The following DNM1 variants were observed in gnomAD, a reference collection of about 807,000 sequenced individuals.
DNM1 encodes dynamin 1, also known as dynamin-1.
In DNM1, 29 loss-of-function variants were observed where a neutral mutation model predicts 104.6. The observed-to-expected ratio is 0.28, with a 90% CI of 0.21 to 0.38. The LOEUF is 0.38. Among genes scored for constraint, DNM1 ranks in the 10% least tolerant of loss-of-function variants. The probability of loss-of-function intolerance (pLI) is 1.00; values close to 1 mark genes in which losing one functional copy is unlikely to be tolerated. For missense variants in DNM1, 640 were observed against 1,189.4 expected (o/e 0.54, Z 6.79); for synonymous variants, 445 against 475.8 (o/e 0.94, Z 0.84).
intron 1 of DNM1, among the ~76,000 whole-genome samples, chr9:128,208,046 ATTCTTTTTTTTCTTTTTTTT>A (rs1207491365): frequency 1.3e-5 from 1 of 75,344 alleles, no homozygotes; most frequent in Non-Finnish European, 2.7e-5. Flanking sequence ...CTTCCTCCCC[ATTCTTTTTTTTCTTTTTTTT>A]TTCTTTTTTT....
Position 128,246,495 on chromosome 9 carries a change from G to A in DNM1, c.1773G>A (p.Thr591=), listed in dbSNP as rs762812488. 6.2e-6 allele frequency: 10 copies of A among 1,613,474 alleles called. No homozygotes were observed. The highest frequency in any genetic ancestry group is 2.2e-5 in the South Asian group (2 of 91,064). The change falls in exon 16 of 22, where the codon ACG becomes ACA. Residue 591 remains threonine (T), a synonymous_variant. Coordinates refer to ENST00000372923, the MANE Select transcript of DNM1 (RefSeq NM_004408.4). ...AGCATATCTTTGCCCTCTTTAACAC[G>A]GAGCAGAGGTGCCTGCCTGCCCCTG... is the stretch of plus-strand genomic sequence containing the variant. The part of the protein sequence containing the change: ...SSKHIFALFN[T]EQRNVYKDYR...
intron 10 of DNM1, among the ~76,000 whole-genome samples, chr9:128,233,291 G>T (rs1242417341): frequency 6.6e-6 from 1 of 152,220 alleles, no homozygotes; most frequent in Non-Finnish European, 1.5e-5. Context: ...CCGGGCAGGG[G>T]CATGCAAGGG....
rs1318177802 is a variant in DNM1 at position 128,253,940 on chromosome 9, A to C, written c.2535-714A>C. The C allele has an allele frequency of 3.2e-6, 4 of 1,232,714 alleles. No individual in the cohort carries two copies. The highest frequency in any genetic ancestry group is 3.1e-5 in the African/African-American group (2 of 64,346). The allele number at this position is 1,232,714 out of a possible 1,614,324, so 76.4% of individuals were successfully genotyped here. On this transcript the variant is annotated intron_variant, in intron 21 of 21. Coordinates refer to ENST00000372923, the MANE Select transcript of DNM1 (RefSeq NM_004408.4). The surrounding 1 kb of genome is among the most constrained non-coding windows in gnomAD (Gnocchi z 5.9). ...ACGACCGTGCCTGCTGGCCCAGCTG[A>C]GCTCCGCCCAGTGAGCCCACCCCCC...
Position 128,224,449 on chromosome 9 carries a change from G to T in DNM1, c.1335+60G>T. On this transcript the variant is annotated intron_variant, in intron 10 of 21. Coordinates refer to ENST00000372923, the MANE Select transcript of DNM1 (RefSeq NM_004408.4). This position sits in a 1 kb window ranked among gnomAD's most constrained non-coding sequence, Gnocchi z 4.3. The stretch of plus-strand genomic sequence containing the variant: ...CTGCCCCGCCCTGCACTGCTGCCAG[G>T]CGCTCCTTCCCCATGTCCCCCCCTG... 5.2e-6 allele frequency: 8 copies of T among 1,535,812 alleles called. No individual in the cohort carries two copies. Among genetic ancestry groups the T allele is most frequent in the Non-Finnish European group, 7.1e-6 (8 of 1,131,288 alleles).
chr9:128,219,372 A>G, intron 4 of DNM1, 120 bp downstream of exon 4: 2 of 921,620 alleles, frequency 2.2e-6, no homozygotes, highest in Non-Finnish European at 3.3e-6. Flanking sequence ...TTGTACCTTT[A>G]AAAATCACTT....
At chr9:128,233,670 A>G in intron 10 of DNM1, 1 of 305,880 alleles carries the variant, frequency 3.3e-6, no homozygotes, top group South Asian at 3.7e-5. Context: ...TTGGGAGCTA[A>G]CGGTCCCCAG....
chr9:128,220,480 A>T lies in DNM1; in HGVS notation c.849+139A>T. The stretch of plus-strand genomic sequence containing the variant: ...AACTGAGCCTCAGAAAAGCAAAGCA[A>T]CTTGCCCACAGCCCCACAGCTAGGT... On this transcript the variant is annotated intron_variant, in intron 6 of 21. Coordinates refer to ENST00000372923, the MANE Select transcript of DNM1 (RefSeq NM_004408.4). This position sits in a 1 kb window ranked among gnomAD's most constrained non-coding sequence, Gnocchi z 5.2. The T allele has an allele frequency of 9.1e-7, 1 of 1,102,452 alleles. No individual in the cohort carries two copies. The highest frequency in any genetic ancestry group is 1.3e-6 in the Non-Finnish European group (1 of 778,970). The allele number at this position is 1,102,452 out of a possible 1,614,324, so 68.3% of individuals were successfully genotyped here.
At position 128,224,465 on chromosome 9, in the gene DNM1, T is replaced by TC. The variant is rs534217982; in HGVS notation, c.1335+83dup. The TC allele has an allele frequency of 7.9e-3, 11,386 of 1,432,670 alleles. 62 individuals are homozygous for TC. The highest frequency in any genetic ancestry group is 0.016 in the Admixed American group (864 of 52,548). 88.7% of individuals were successfully genotyped at this position (1,432,670 alleles called of 1,614,324 possible). On this transcript the variant is annotated intron_variant, in intron 10 of 21. Transcript: ENST00000372923. This position sits in a 1 kb window ranked among gnomAD's most constrained non-coding sequence, Gnocchi z 4.3. Reference sequence around the variant, plus strand: ...TGCTGCCAGGCGCTCCTTCCCCATGTCCCCCCCTGCCTCCTCGGTAGCATG... The same window carrying TC: ...TGCTGCCAGGCGCTCCTTCCCCATGTCCCCCCCCTGCCTCCTCGGTAGCATG...
At position 128,248,070 on chromosome 9, in the gene DNM1, T is replaced by C. The variant is rs778601387; in HGVS notation, c.1905+135T>C. ...GGGGCCAGGCGCAGTGGCTCACACC[T>C]GTAAACCCAACACTTTGGGAGGCCG... On this transcript the variant is annotated intron_variant, in intron 18 of 21. Transcript: ENST00000372923. The surrounding 1 kb of genome is among the most constrained non-coding windows in gnomAD (Gnocchi z 5.6). The C allele has an allele frequency of 1.6e-6, 2 of 1,223,950 alleles. No individual in the cohort carries two copies. The highest frequency in any genetic ancestry group is 3.0e-5 in the African/African-American group (2 of 67,236). 75.8% of individuals were successfully genotyped at this position (1,223,950 alleles called of 1,614,324 possible).
intron 1 of DNM1, among the ~76,000 whole-genome samples, chr9:128,215,417 C>T (rs567694324): frequency 6.6e-6 from 1 of 152,354 alleles, no homozygotes; most frequent in Admixed American, 6.5e-5. Context: ...TGATGCAGGC[C>T]GCGTGAGGGC....
chr9:128,230,203 C>T (rs866120259), intron 10 of DNM1, among the ~76,000 whole-genome samples: 8 of 138,042 alleles, frequency 5.8e-5, no homozygotes, highest in East Asian at 2.1e-4. Flanking sequence ...GGTGACAGAT[C>T]GAGACTCCGT....
intron 10 of DNM1, 84 bp from the exon 11 acceptor site, chr9:128,233,937 C>T (rs1464192833): frequency 1.8e-5 from 23 of 1,267,866 alleles, no homozygotes; most frequent in South Asian, 1.0e-4. Context: ...CCCTGCGCCG[C>T]GGATCCCTGG....
chr9:128,216,635 G>A (rs576999301), intron 1 of DNM1, among the ~76,000 whole-genome samples: 3 of 152,274 alleles, frequency 2.0e-5, no homozygotes, highest in Non-Finnish European at 2.9e-5. Context: ...CCCCAGCAGC[G>A]TCCACTTCCC....
rs1834933458 is a variant in DNM1, at chr9:128,220,885, T to TCTTTC, written c.849+544_849+545insCTTTC. 2.6e-5 allele frequency among the ~76,000 whole-genome samples: 3 copies of TCTTTC among 117,526 alleles called. No homozygotes were observed. The highest frequency in any genetic ancestry group is 3.5e-5 in the Non-Finnish European group (2 of 56,702). 77.1% of individuals were successfully genotyped at this position (117,526 alleles called of 152,430 possible). On this transcript the variant is annotated intron_variant, in intron 6 of 21. Coordinates refer to ENST00000372923, the MANE Select transcript of DNM1 (RefSeq NM_004408.4). This position sits in a 1 kb window ranked among gnomAD's most constrained non-coding sequence, Gnocchi z 5.2. ...CCTCTATTTCTTTTTTCTTTATTTG[T>TCTTTC]TTTCTTTCTTTCTTTCTTTCTTTCT...
chr9:128,246,632 A>G, intron 16 of DNM1, 129 bp downstream of exon 16: 2 of 653,864 alleles, frequency 3.1e-6, no homozygotes, highest in Non-Finnish European at 5.5e-6. Context: ...CCACTGACAG[A>G]TGCTTATTGA....
chr9:128,212,046 C>A (rs1355005584), intron 1 of DNM1, among the ~76,000 whole-genome samples: 1 of 152,216 alleles, frequency 6.6e-6, no homozygotes, highest in Non-Finnish European at 1.5e-5. Context: ...ACCCTCACCC[C>A]CAACCTGGGT....
rs767453805 is a variant in DNM1 at position 128,247,518 on chromosome 9, G to A, written c.1893+32G>A. 1 of 1,534,586 alleles carries A rather than the reference G, an allele frequency of 6.5e-7. No homozygotes were observed. The highest frequency in any genetic ancestry group is 1.1e-5 in the South Asian group (1 of 87,946). On this transcript the variant is annotated intron_variant, in intron 17 of 21. Transcript: ENST00000372923. This position sits in a 1 kb window ranked among gnomAD's most constrained non-coding sequence, Gnocchi z 5.1. The stretch of plus-strand genomic sequence containing the variant: ...GGCAGGGCAAGGAGAGGAAGGGCAA[G>A]CATGATCCTAGGGCCCCTGGGGCAC...
Position 128,224,636 on chromosome 9 carries a change from C to T in DNM1, c.1335+247C>T, listed in dbSNP as rs1382142184. ...GACGGGGATGATGGCTGGCTGTTTA[C>T]CCCAAGAGCCCACCAAGAGCTCCCC... On this transcript the variant is annotated intron_variant, in intron 10 of 21. Coordinates refer to ENST00000372923, the MANE Select transcript of DNM1 (RefSeq NM_004408.4). This position sits in a 1 kb window ranked among gnomAD's most constrained non-coding sequence, Gnocchi z 4.3. 1.3e-5 allele frequency among the ~76,000 whole-genome samples: 2 copies of T among 152,040 alleles called. No individual in the cohort carries two copies. Among genetic ancestry groups the T allele is most frequent in the African/African-American group, 2.4e-5 (1 of 41,400 alleles).
chr9:128,237,093 G>A (rs1012122323), intron 11 of DNM1, among the ~76,000 whole-genome samples: 4 of 152,158 alleles, frequency 2.6e-5, no homozygotes, highest in South Asian at 2.1e-4. Context: ...TGGACTTTGA[G>A]GCTAAGTGAG....
Sources: allele counts gnomAD v4.1 joint callset (sites outside exome capture counted in the v4.1 genomes callset), GRCh38; gene constraint gnomAD v4.1.1; non-coding constraint Gnocchi (gnomAD v3.1); transcripts MANE v1.5; gene names NCBI Gene and HGNC (gene_info 2026-07-23, HGNC 2026-07-21).